The following SLC4A1 variants were observed in gnomAD, a reference collection of about 807,000 sequenced individuals.
SLC4A1 encodes the protein band 3 anion transport protein.
A neutral mutation model predicts 93.1 loss-of-function variants in SLC4A1; 29 were observed. The ratio of observed to expected loss-of-function variants is 0.31; its 90% CI spans 0.23 to 0.42. The LOEUF (loss-of-function observed/expected upper bound fraction) is 0.42, where lower values mean the gene tolerates loss of function less well. Ranked by LOEUF, SLC4A1 falls within the 20% of genes least tolerant of loss-of-function variation. The pLI, the probability that SLC4A1 is intolerant of heterozygous loss-of-function variation, is 1.00. For missense variants in SLC4A1, 965 were observed against 1,190.1 expected (o/e 0.81, Z 2.78); for synonymous variants, 469 against 497.2 (o/e 0.94, Z 0.76).
In SLC4A1 at chr17:44,262,890, G is replaced by T. The variant is rs1448967570; in HGVS notation, c.-24C>A. 1 of 1,614,054 alleles carries T rather than the reference G, an allele frequency of 6.2e-7. No individual in the cohort carries two copies. Among genetic ancestry groups the T allele is most frequent in the Non-Finnish European group, 8.5e-7 (1 of 1,180,028 alleles). On this transcript the variant is annotated 5_prime_UTR_variant, in exon 2 of 20. Coordinates refer to ENST00000262418, the MANE Select transcript of SLC4A1 (RefSeq NM_000342.4). The stretch of plus-strand genomic sequence containing the variant: ...ATGGCGTGGTCCTGAGTGTCCAGTT[G>T]TCTACGGTGATCTGAGCCCCCAGCA...
chr17:44,250,600 C>T (rs900133001), intron 19 of SLC4A1, 62 bp from the exon 20 acceptor site: 31 of 1,396,674 alleles, frequency 2.2e-5, no homozygotes, highest in East Asian at 1.1e-4. Flanking sequence ...GAGCCCTCCC[C>T]GGGCACGAAA....
At chr17:44,252,047 C>CT (rs966641655) in intron 17 of SLC4A1, among the ~76,000 whole-genome samples, 1,339 of 69,126 alleles carry the variant, frequency 0.019, 379 homozygotes, top group African/African-American at 0.074. Flanking sequence ...TCCTATGGGT[C>CT]TTTTTTTTTT....
chr17:44,255,252 C>T lies in SLC4A1; in HGVS notation c.1845G>A (p.Leu615=). 1 of 1,558,364 alleles carries T rather than the reference C, an allele frequency of 6.4e-7. No homozygotes were observed. Among genetic ancestry groups the T allele is most frequent in the Non-Finnish European group, 8.7e-7 (1 of 1,150,374 alleles). The change falls in exon 15 of 20, where the codon CTG becomes CTA. Residue 615 remains leucine (L), a synonymous_variant. Coordinates refer to ENST00000262418, the MANE Select transcript of SLC4A1 (RefSeq NM_000342.4). ...IGDFGVPISI[L]IMVLVDFFIQ... is the part of the protein sequence containing the mutation. ...TGAAGAAATCCACCAGGACCATGAT[C>T]AGGATGGAGATGGGGACCCCGAAGT...
rs550850720 is a variant in SLC4A1, at chr17:44,250,219, G to C, written c.*239C>G. The C allele has an allele frequency of 5.8e-6, 3 of 516,202 alleles. No individual in the cohort carries two copies. The East Asian group carries it at 1.0e-4, about 18-fold the overall frequency. The allele number at this position is 516,202 out of a possible 1,614,324, so 32.0% of individuals were successfully genotyped here. ...CCCCAGTGAAAGTGTGGCAACAGGAGGGACTGTGCAACAAACCCCCTAATG... is the reference window on the plus strand; with the variant it reads ...CCCCAGTGAAAGTGTGGCAACAGGACGGACTGTGCAACAAACCCCCTAATG... On this transcript the variant is annotated 3_prime_UTR_variant, in exon 20 of 20. Coordinates refer to ENST00000262418, the MANE Select transcript of SLC4A1 (RefSeq NM_000342.4).
intron 1 of SLC4A1, among the ~76,000 whole-genome samples, chr17:44,264,013 A>AT (rs1167436377): frequency 6.6e-6 from 1 of 151,346 alleles, no homozygotes; most frequent in African/African-American, 2.4e-5. Flanking sequence ...CTTCTTTTTT[A>AT]TTTTTTTGAG....
In SLC4A1 at chr17:44,248,848, C is replaced by CATTTTTTT. The variant is rs1567826431; in HGVS notation, c.*1609_*1610insAAAAAAAT. 1 of 115,730 alleles carries CATTTTTTT rather than the reference C, an allele frequency of 8.6e-6. No individual in the cohort carries two copies. Among genetic ancestry groups the CATTTTTTT allele is most frequent in the Non-Finnish European group, 1.6e-5 (1 of 64,182 alleles). The allele number at this position is 115,730 out of a possible 1,614,324, so 7.2% of individuals were successfully genotyped here. On this transcript the variant is annotated 3_prime_UTR_variant, in exon 20 of 20. Transcript: ENST00000262418. The stretch of plus-strand genomic sequence containing the variant: ...GGCCCCCAAGGCTGATGTTTCCTTC[C>CATTTTTTT]GTTTTTTTTTTTTTTTTTTTTTTTT...
In SLC4A1 at chr17:44,255,835, G is replaced by A. The variant is rs1247646605; in HGVS notation, c.1638C>T (p.Asp546=). The change falls in exon 14 of 20, where the codon GAC becomes GAT. Residue 546 remains aspartate (D), a synonymous_variant. Transcript: ENST00000262418. ...AGTTATAAGTCTTCTGTAGTGGGTG[G>A]TCCTGGAAGATCTGCAGCAGAAAAC... ...TFSKLIKIFQ[D]HPLQKTYNYN... 1 of 1,614,152 alleles carries A rather than the reference G, an allele frequency of 6.2e-7. No individual in the cohort carries two copies. Among genetic ancestry groups the A allele is most frequent in the Middle Eastern group, 1.6e-4 (1 of 6,062 alleles).
intron 6 of SLC4A1, 115 bp from the exon 7 acceptor site, chr17:44,260,047 C>G (rs1474065965): frequency 7.4e-7 from 1 of 1,360,260 alleles, no homozygotes; most frequent in Non-Finnish European, 1.0e-6. Flanking sequence ...GGGTAGACAT[C>G]TGGGACTTCC....
chr17:44,260,691 T>C lies in SLC4A1; in HGVS notation c.293A>G (p.His98Arg). ...LGENGAWGRP[H>R]LSHLTFWSLL... is the part of the protein sequence containing the mutation. ...GCTCCAGAAGGTGAGGTGAGAGAGGTGCGGGCGGCCCCAGGCCCCATTCTC... is the reference window on the plus strand; with the variant it reads ...GCTCCAGAAGGTGAGGTGAGAGAGGCGCGGGCGGCCCCAGGCCCCATTCTC... Residue 98 changes from histidine to arginine, a missense_variant, in exon 5 of 20, where the codon CAC becomes CGC. This residue lies in a region of SLC4A1 where 195 missense variants were observed against 183.5 expected (regional missense o/e 1.06). Coordinates refer to ENST00000262418, the MANE Select transcript of SLC4A1 (RefSeq NM_000342.4). 1.2e-6 allele frequency: 2 copies of C among 1,614,050 alleles called. No individual in the cohort carries two copies. The highest frequency in any genetic ancestry group is 1.7e-6 in the Non-Finnish European group (2 of 1,179,978).
At chr17:44,251,649 C>CA (rs1278951667) in intron 17 of SLC4A1, 61 bp from the exon 18 acceptor site, 7 of 1,531,968 alleles carry the variant, frequency 4.6e-6, no homozygotes, top group Admixed American at 1.7e-5. Flanking sequence ...AGTGGGGGGT[C>CA]AGGCCCCTAT....
chr17:44,259,419 G>A (rs976743783), intron 8 of SLC4A1, 75 bp from the exon 9 acceptor site: 1 of 1,604,076 alleles, frequency 6.2e-7, no homozygotes, highest in Admixed American at 1.7e-5. Flanking sequence ...GGCTGCGGGG[G>A]TCCAGGCTGA....
chr17:44,254,500 T>C lies in SLC4A1; in HGVS notation c.2053A>G (p.Thr685Ala), dbSNP rs748887436. The C allele has an allele frequency of 1.4e-6, 2 of 1,413,228 alleles. No individual in the cohort carries two copies. The highest frequency in any genetic ancestry group is 1.1e-5 in the South Asian group (1 of 87,798). 87.5% of individuals were successfully genotyped at this position (1,413,228 alleles called of 1,614,324 possible). Residue 685 changes from threonine to alanine, a missense_variant, in exon 16 of 20, where the codon ACC (threonine) becomes GCC (alanine). Physicochemically the swap from Thr to Ala is moderately conservative, Grantham distance 58. This residue lies in a region of SLC4A1 where 770 missense variants were observed against 1,006.6 expected (regional missense o/e 0.76). Coordinates refer to ENST00000262418, the MANE Select transcript of SLC4A1 (RefSeq NM_000342.4). The part of the protein sequence containing the change: ...FILIFLESQI[T>A]TLIVSKPERK... ...AGCCCCCACCCTGTCTCTCACGTGG[T>C]GATCTGAGACTCCAGGAATATGAGG...
At chr17:44,255,373 C>G in intron 14 of SLC4A1, 77 bp from the exon 15 acceptor site, 1 of 1,083,532 alleles carries the variant, frequency 9.2e-7, no homozygotes, top group Non-Finnish European at 1.4e-6. Context: ...CCTATATTCA[C>G]CCACGGGGCC....
At position 44,254,461 on chromosome 17, in the gene SLC4A1, ACCCTCCCAGGCCCAGC is replaced by A; in HGVS notation, c.2057+19_2057+34del. 1.5e-6 allele frequency: 1 copy of A among 654,146 alleles called. No individual in the cohort carries two copies. Among genetic ancestry groups the A allele is most frequent in the Non-Finnish European group, 2.8e-6 (1 of 356,208 alleles). 40.5% of individuals were successfully genotyped at this position (654,146 alleles called of 1,614,324 possible). A position where few individuals can be genotyped will look rare whatever the true frequency, so the allele number is the denominator to read the frequency against. ...TGCCAGGGAAAGGTCCCTGCCTCCC[ACCCTCCCAGGCCCAGC>A]CCCCACCCTGTCTCTCACGTGGTGA... On this transcript the variant is annotated intron_variant, in intron 16 of 19. Transcript: ENST00000262418.
In SLC4A1 at chr17:44,255,820, C is replaced by G; in HGVS notation, c.1653G>C (p.Lys551Asn). 2.5e-6 allele frequency: 4 copies of G among 1,614,164 alleles called. No individual in the cohort carries two copies. Among genetic ancestry groups the G allele is most frequent in the Non-Finnish European group, 3.4e-6 (4 of 1,180,022 alleles). The change falls in exon 14 of 20, where the codon AAG (lysine) becomes AAC (asparagine). Residue 551 changes from lysine (K) to asparagine (N), a missense_variant. Lys to Asn is a moderately conservative substitution (Grantham distance 94, BLOSUM62 0). Coordinates refer to ENST00000262418, the MANE Select transcript of SLC4A1 (RefSeq NM_000342.4). ...IKIFQDHPLQ[K>N]TYNYNVLMVP... is the part of the protein sequence containing the mutation. ...CCATCAACACGTTGTAGTTATAAGT[C>G]TTCTGTAGTGGGTGGTCCTGGAAGA...
At position 44,258,781 on chromosome 17, in the gene SLC4A1, C is replaced by T. The variant is rs2074108; in HGVS notation, c.877-158G>A. On this transcript the variant is annotated intron_variant, in intron 9 of 19. Coordinates refer to ENST00000262418, the MANE Select transcript of SLC4A1 (RefSeq NM_000342.4). The surrounding 1 kb of genome is among the most constrained non-coding windows in gnomAD (Gnocchi z 6.1). ...CCCGCTCCCACCCCTACTCTCCCCA[C>T]TAAGAAAGAGCTCTGGGGAGACAGA... Among the ~76,000 whole-genome samples the T allele has an allele frequency of 0.53, 79,933 of 151,846 alleles. 22,637 individuals are homozygous for T. The highest frequency in any genetic ancestry group is 0.74 in the East Asian group (3,812 of 5,136).
In SLC4A1 at chr17:44,259,900, A is replaced by G; in HGVS notation, c.518T>C (p.Val173Ala). 1 of 1,613,856 alleles carries G rather than the reference A, an allele frequency of 6.2e-7. No individual in the cohort carries two copies. The highest frequency in any genetic ancestry group is 1.3e-5 in the African/African-American group (1 of 74,942). ...HAGELEALGGVKPAVLTRSGD... is the reference protein window; with the variant it reads ...HAGELEALGGAKPAVLTRSGD... ...AGAGCGTGTCAGGACTGCAGGCTTC[A>G]CACCCCCCAGGGCCTCCAGCTCTCC... is the stretch of plus-strand genomic sequence containing the variant. The change falls in exon 7 of 20, where the codon GTG (valine) becomes GCG (alanine). Residue 173 changes from valine to alanine, a missense_variant. This residue lies in a region of SLC4A1 where 770 missense variants were observed against 1,006.6 expected (regional missense o/e 0.76). Coordinates refer to ENST00000262418, the MANE Select transcript of SLC4A1 (RefSeq NM_000342.4).
Position 44,250,442 on chromosome 17 carries a change from G to A in SLC4A1, c.*16C>T. The A allele has an allele frequency of 1.9e-6, 3 of 1,600,084 alleles. No individual in the cohort carries two copies. Among genetic ancestry groups the A allele is most frequent in the Non-Finnish European group, 2.6e-6 (3 of 1,167,578 alleles). The stretch of plus-strand genomic sequence containing the variant: ...TGTGGAATGGTGGGGGAGGGTCTAG[G>A]GCCTGGGCCCGCCCCTCACACAGGC... On this transcript the variant is annotated 3_prime_UTR_variant, in exon 20 of 20. Coordinates refer to ENST00000262418, the MANE Select transcript of SLC4A1 (RefSeq NM_000342.4).
chr17:44,262,970 G>A, intron 1 of SLC4A1, 36 bp from the exon 2 acceptor site: 1 of 1,571,604 alleles, frequency 6.4e-7, no homozygotes, highest in Admixed American at 1.7e-5. Context: ...GGGGCACAGG[G>A]CATCCCAGGG....
Sources: gnomAD v4.1 joint callset for allele counts (sites outside exome capture counted in the v4.1 genomes callset) on GRCh38, gnomAD v4.1.1 for gene constraint, gnomAD v4.1.1 regional missense constraint, Gnocchi (gnomAD v3.1) non-coding constraint, MANE v1.5 for transcripts, NCBI Gene and HGNC (gene_info 2026-07-23, HGNC 2026-07-21) for gene names.